ARHGAP15: variants seen among roughly 807,000 people sequenced by gnomAD.
The protein encoded by ARHGAP15 is rho GTPase-activating protein 15.
Under a neutral mutation model 63.7 loss-of-function variants are expected in ARHGAP15, and 51 were observed. The observed-to-expected ratio is 0.80, with a 90% CI of 0.64 to 1.01. ARHGAP15 has a LOEUF of 1.01. Ranked by LOEUF, ARHGAP15 falls within the 50% of genes least tolerant of loss-of-function variation. The pLI, the probability that ARHGAP15 is intolerant of heterozygous loss-of-function variation, is 0.00. For missense variants in ARHGAP15, 560 were observed against 564.6 expected, an observed-to-expected ratio of 0.99 and a Z score of 0.08; for synonymous variants, 191 against 193.8, an observed-to-expected ratio of 0.99 and a Z score of 0.12.
Position 143,330,980 on chromosome 2 carries a change from G to A in ARHGAP15, c.474+80380G>A, listed in dbSNP as rs189123894. Among the ~76,000 whole-genome samples, 12 of 152,234 alleles carry A rather than the reference G, an allele frequency of 7.9e-5. No homozygotes were observed. The East Asian group carries it at 2.1e-3, about 27-fold the overall frequency. ...TCTTTGGTTTGAGTTGTAAGCTGAT[G>A]GTCCTCGTTGGGCCCTTCATTTAAT... On this transcript the variant is annotated intron_variant, in intron 6 of 13. Transcript: ENST00000295095.
chr2:143,716,524 C>T (rs781652958), intron 13 of ARHGAP15, among the ~76,000 whole-genome samples: 6 of 152,140 alleles, frequency 3.9e-5, no homozygotes, highest in Admixed American at 1.3e-4. Flanking sequence ...CCAATATTGC[C>T]ATACTACCTT....
intron 2 of ARHGAP15, among the ~76,000 whole-genome samples, chr2:143,183,083 G>A (rs150334210): frequency 5.6e-4 from 85 of 152,310 alleles, no homozygotes; most frequent in African/African-American, 2.0e-3. Flanking sequence ...GGCCTAACTG[G>A]CAGCAAAGAT....
intron 9 of ARHGAP15, among the ~76,000 whole-genome samples, chr2:143,510,208 G>T (rs761605743): frequency 6.6e-6 from 1 of 151,906 alleles, no homozygotes; most frequent in South Asian, 2.1e-4. Flanking sequence ...TCCAATATCC[G>T]CTGCCTCTCT....
intron 11 of ARHGAP15, among the ~76,000 whole-genome samples, chr2:143,610,185 T>C (rs1460746842): frequency 2.0e-5 from 3 of 152,082 alleles, no homozygotes. Context: ...GAAAACTTAG[T>C]GTTTAAAATG....
intron 6 of ARHGAP15, among the ~76,000 whole-genome samples, chr2:143,296,009 A>T (rs10928169): frequency 6.6e-6 from 1 of 151,742 alleles, no homozygotes; most frequent in Non-Finnish European, 1.5e-5. Context: ...TGTTACAGAG[A>T]ACCTAACCAA....
intron 9 of ARHGAP15, among the ~76,000 whole-genome samples, chr2:143,514,647 G>A (rs1693727413): frequency 1.3e-5 from 2 of 152,096 alleles, no homozygotes; most frequent in Non-Finnish European, 2.9e-5. Flanking sequence ...AAATCTCAGT[G>A]GCATATAACA....
intron 10 of ARHGAP15, among the ~76,000 whole-genome samples, chr2:143,550,027 G>C (rs570333776): frequency 4.6e-5 from 7 of 152,290 alleles, no homozygotes; most frequent in African/African-American, 1.7e-4. Flanking sequence ...CTAGAGAAGA[G>C]AGATAATAGA....
intron 12 of ARHGAP15, among the ~76,000 whole-genome samples, chr2:143,639,673 A>T (rs1229359009): frequency 6.6e-6 from 1 of 152,068 alleles, no homozygotes. Flanking sequence ...ATTTCTTAGA[A>T]CTTTCATCAT....
At chr2:143,675,915 A>G (rs1396350441) in intron 12 of ARHGAP15, among the ~76,000 whole-genome samples, 1 of 152,220 alleles carries the variant, frequency 6.6e-6, no homozygotes, top group Non-Finnish European at 1.5e-5. Flanking sequence ...TCTAGCTATG[A>G]GAGTTCTCAA....
At chr2:143,752,928 G>C in intron 13 of ARHGAP15, among the ~76,000 whole-genome samples, 1 of 152,184 alleles carries the variant, frequency 6.6e-6, no homozygotes, top group Non-Finnish European at 1.5e-5. Flanking sequence ...CCTGAGGCCA[G>C]GAGTTCGAGA....
intron 4 of ARHGAP15, among the ~76,000 whole-genome samples, chr2:143,226,455 C>T (rs899630580): frequency 2.0e-5 from 3 of 152,120 alleles, no homozygotes; most frequent in Non-Finnish European, 4.4e-5. Flanking sequence ...ACTCCCTGAC[C>T]ACGTATGGTC....
At chr2:143,366,175 T>G (rs1686284523) in intron 6 of ARHGAP15, among the ~76,000 whole-genome samples, 1 of 152,170 alleles carries the variant, frequency 6.6e-6, no homozygotes, top group Non-Finnish European at 1.5e-5. Context: ...GAGGTCCAAT[T>G]TTAATTTTGT....
chr2:143,243,484 T>A (rs1001309417), intron 5 of ARHGAP15, among the ~76,000 whole-genome samples: 25 of 152,150 alleles, frequency 1.6e-4, no homozygotes, highest in African/African-American at 6.0e-4. Context: ...CCAGAAGAAA[T>A]ATGGTGTGTA....
intron 10 of ARHGAP15, among the ~76,000 whole-genome samples, chr2:143,533,703 C>T (rs1006769625): frequency 6.6e-6 from 1 of 152,102 alleles, no homozygotes; most frequent in Non-Finnish European, 1.5e-5. Flanking sequence ...AGCTTGGTAC[C>T]CTCCTCCTCT....
At chr2:143,340,593 C>CT (rs1375411349) in intron 6 of ARHGAP15, among the ~76,000 whole-genome samples, 1 of 151,122 alleles carries the variant, frequency 6.6e-6, no homozygotes, top group Admixed American at 6.6e-5. Flanking sequence ...GTGCAAGCAC[C>CT]TTTGTTCAAG....
intron 5 of ARHGAP15, among the ~76,000 whole-genome samples, chr2:143,234,463 T>C (rs1390401903): frequency 6.6e-6 from 1 of 152,132 alleles, no homozygotes; most frequent in Non-Finnish European, 1.5e-5. Flanking sequence ...TACTCCAGAG[T>C]ATTTTAGATT....
chr2:143,451,082 A>G (rs894501663), intron 8 of ARHGAP15, among the ~76,000 whole-genome samples: 2 of 151,946 alleles, frequency 1.3e-5, no homozygotes, highest in Non-Finnish European at 2.9e-5. Flanking sequence ...GAGGTATAAA[A>G]GACCTGGATA....
intron 12 of ARHGAP15, among the ~76,000 whole-genome samples, chr2:143,644,963 G>A (rs1267206106): frequency 6.6e-6 from 1 of 151,952 alleles, no homozygotes; most frequent in African/African-American, 2.4e-5. Flanking sequence ...TATGTTGGGG[G>A]ACACCCACTG....
intron 11 of ARHGAP15, among the ~76,000 whole-genome samples, chr2:143,623,551 G>C (rs190503967): frequency 5.0e-4 from 76 of 152,166 alleles, no homozygotes; most frequent in Admixed American, 4.9e-3. Flanking sequence ...AAAAGATTTT[G>C]AAGCAGTAAG....
Sources: allele counts gnomAD v4.1 joint callset (sites outside exome capture counted in the v4.1 genomes callset), GRCh38; gene constraint gnomAD v4.1.1; transcripts MANE v1.5; gene names NCBI Gene and HGNC (gene_info 2026-07-23, HGNC 2026-07-21).